PSMA7: variants seen among roughly 807,000 people sequenced by gnomAD.
PSMA7 encodes the protein proteasome subunit alpha type-7.
In PSMA7, 5 loss-of-function variants were observed where a neutral mutation model predicts 31.3. The observed-to-expected ratio is 0.16, with a 90% confidence interval of 0.08 to 0.34. The LOEUF (loss-of-function observed/expected upper bound fraction) is 0.34, where lower values mean the gene tolerates loss of function less well. Ranked by LOEUF, PSMA7 falls within the 10% of genes least tolerant of loss-of-function variation. The pLI is 1.00. For synonymous variants in PSMA7, 155 were observed against 121.9 expected, an observed-to-expected ratio of 1.27 and a Z score of -1.79; for missense variants, 217 against 327.5, an observed-to-expected ratio of 0.66 and a Z score of 2.60.
intron 3 of PSMA7, chr20:62,139,544 A>G (rs1193686662): frequency 1.6e-5 from 12 of 772,212 alleles, no homozygotes; most frequent in Non-Finnish European, 2.5e-5. Context: ...GACAAAAGCT[A>G]TCATTTCCCT....
intron 2 of PSMA7, among the ~76,000 whole-genome samples, chr20:62,140,275 A>C (rs2056919539): frequency 6.6e-6 from 1 of 152,266 alleles, no homozygotes; most frequent in Non-Finnish European, 1.5e-5. Flanking sequence ...TGTACTTCAG[A>C]CCATACTTAA....
intron 4 of PSMA7, among the ~76,000 whole-genome samples, chr20:62,138,515 G>A (rs6062077): frequency 0.71 from 107,502 of 150,822 alleles, 39,540 homozygotes; most frequent in Non-Finnish European, 0.81. Context: ...TTATACGATT[G>A]TATGTTTTAC....
intron 4 of PSMA7, 39 bp from the exon 5 acceptor site, chr20:62,138,329 T>C (rs768974892): frequency 1.5e-5 from 24 of 1,558,840 alleles, no homozygotes; most frequent in Non-Finnish European, 2.0e-5. Flanking sequence ...GCATAGGGCA[T>C]GACAACCCAG....
chr20:62,139,748 C>T (rs1387112157), intron 3 of PSMA7, 33 bp downstream of exon 3: 2 of 1,613,826 alleles, frequency 1.2e-6, no homozygotes, highest in Non-Finnish European at 8.5e-7. Flanking sequence ...GCCCTGCTGC[C>T]AGAGGTGAGC....
At chr20:62,143,021 G>A (rs2056947688) in intron 1 of PSMA7, among the ~76,000 whole-genome samples, 187 bp downstream of exon 1, 1 of 149,844 alleles carries the variant, frequency 6.7e-6, no homozygotes, top group African/African-American at 2.4e-5. Flanking sequence ...GCCAAACGCC[G>A]CCTCTGCAGG....
chr20:62,137,437 C>A lies in PSMA7; in HGVS notation c.592-11G>T, dbSNP rs774110712. The A allele has an allele frequency of 1.9e-6, 3 of 1,613,784 alleles. No individual in the cohort carries two copies. The South Asian group carries it at 3.3e-5, about 18-fold the overall frequency. The stretch of plus-strand genomic sequence containing the variant: ...ACCTGACTGAACCACCTTGAAGGGA[C>A]AGAAGACAGGAGCATTAACCACCTT... On this transcript the variant is annotated splice_polypyrimidine_tract_variant and intron_variant, in intron 5 of 6. Transcript: ENST00000370873.
At chr20:62,142,663 G>C (rs1193207276) in intron 1 of PSMA7, 7 of 152,406 alleles carry the variant, frequency 4.6e-5, no homozygotes, top group Admixed American at 2.6e-4. Context: ...CCCGCCACCG[G>C]CCAGGCCAGC....
At chr20:62,138,318 G>A in intron 4 of PSMA7, 28 bp from the exon 5 acceptor site, 3 of 1,572,588 alleles carry the variant, frequency 1.9e-6, no homozygotes, top group Non-Finnish European at 2.6e-6. Flanking sequence ...GTTCTCACGT[G>A]GCATAGGGCA....
chr20:62,142,001 T>C (rs1241974547), intron 1 of PSMA7, among the ~76,000 whole-genome samples: 1 of 152,074 alleles, frequency 6.6e-6, no homozygotes, highest in Non-Finnish European at 1.5e-5. Context: ...TGAGCACGGG[T>C]GGGATATTGA....
At chr20:62,142,807 G>A (rs1007313105) in intron 1 of PSMA7, among the ~76,000 whole-genome samples, 3 of 152,006 alleles carry the variant, frequency 2.0e-5, no homozygotes, top group South Asian at 2.1e-4. Flanking sequence ...CCCCCAGCGA[G>A]CGCACGGCCT....
chr20:62,139,690 A>G, intron 3 of PSMA7, 91 bp downstream of exon 3: 1 of 1,596,142 alleles, frequency 6.3e-7, no homozygotes, highest in Non-Finnish European at 8.6e-7. Flanking sequence ...CAGTTTTCTG[A>G]TTCACCTGAA....
chr20:62,138,375 G>C (rs1053477437), intron 4 of PSMA7, 85 bp from the exon 5 acceptor site: 1 of 1,497,334 alleles, frequency 6.7e-7, no homozygotes. Flanking sequence ...TACATGGGCC[G>C]CCCAGCCAGT....
In PSMA7 at chr20:62,139,698, G is replaced by A. The variant is rs750301263; in HGVS notation, c.348+83C>T. On this transcript the variant is annotated intron_variant, in intron 3 of 6. Coordinates refer to ENST00000370873, the MANE Select transcript of PSMA7 (RefSeq NM_002792.4). ...AATAAATCAGTTTTCTGATTCACCT[G>A]AAGTGACATGGCAGGACCCTCCATG... 3.7e-6 allele frequency: 6 copies of A among 1,603,246 alleles called. No individual in the cohort carries two copies. The East Asian group carries it at 1.1e-4, about 30-fold the overall frequency.
chr20:62,138,228 G>A lies in PSMA7; in HGVS notation c.534C>T (p.Asp178=), dbSNP rs768380062. Residue 178 remains aspartate, a synonymous_variant, in exon 5 of 7, where the codon GAC becomes GAT. Transcript: ENST00000370873. ...VREFLEKNYT[D]EAIETDDLTI... ...TCAGATCATCTGTTTCAATGGCTTC[G>A]TCAGTATAGTTCTTCTCCAGGAACT... 1.9e-6 allele frequency: 3 copies of A among 1,614,156 alleles called. No individual in the cohort carries two copies. Among genetic ancestry groups the A allele is most frequent in the Non-Finnish European group, 2.5e-6 (3 of 1,180,000 alleles).
chr20:62,142,509 A>G (rs1006202283), intron 1 of PSMA7: 1 of 152,294 alleles, frequency 6.6e-6, no homozygotes, highest in Non-Finnish European at 1.5e-5. Flanking sequence ...GTACGAATTT[A>G]AGTTTCAAAC....
chr20:62,139,982 A>G, intron 2 of PSMA7, 77 bp from the exon 3 acceptor site: 1 of 1,530,642 alleles, frequency 6.5e-7, no homozygotes. Context: ...ATGACCCAGC[A>G]TTTAACCTTC....
chr20:62,140,732 T>G, intron 2 of PSMA7, 86 bp downstream of exon 2: 1 of 1,498,774 alleles, frequency 6.7e-7, no homozygotes, highest in Non-Finnish European at 9.1e-7. Flanking sequence ...TGGCTCACAA[T>G]AGCCCACACA....
chr20:62,137,165 C>T (rs2056899918), intron 6 of PSMA7, among the ~76,000 whole-genome samples, 199 bp downstream of exon 6: 1 of 152,122 alleles, frequency 6.6e-6, no homozygotes, highest in African/African-American at 2.4e-5. Context: ...CTCAGCATGC[C>T]CAGAGAACAC....
chr20:62,139,679 T>C (rs761443944), intron 3 of PSMA7, 102 bp downstream of exon 3: 1 of 1,580,028 alleles, frequency 6.3e-7, no homozygotes, highest in South Asian at 1.1e-5. Context: ...CCAGAATAAA[T>C]CAGTTTTCTG....
Sources: gnomAD v4.1 joint callset for allele counts (sites outside exome capture counted in the v4.1 genomes callset) on GRCh38, gnomAD v4.1.1 for gene constraint, MANE v1.5 for transcripts, NCBI Gene and HGNC (gene_info 2026-07-23, HGNC 2026-07-21) for gene names.